The following KCNJ16 variants were observed in gnomAD, a reference collection of about 807,000 sequenced individuals.
KCNJ16 encodes inward rectifier potassium channel 16.
Under a neutral mutation model 18.5 loss-of-function variants are expected in KCNJ16, and 15 were observed. The observed-to-expected ratio is 0.81, with a 90% CI of 0.54 to 1.25. KCNJ16 has a LOEUF of 1.25. KCNJ16 is among the 50% of genes most tolerant of loss of function. The pLI is 0.00. For synonymous variants in KCNJ16, 174 were observed against 186.5 expected, an observed-to-expected ratio of 0.93 and a Z score of 0.55; for missense variants, 523 against 525.7, an observed-to-expected ratio of 0.99 and a Z score of 0.05.
intron 1 of KCNJ16, among the ~76,000 whole-genome samples, chr17:70,084,987 AT>A (rs1417898919): frequency 6.6e-6 from 1 of 152,104 alleles, no homozygotes; most frequent in Non-Finnish European, 1.5e-5. Context: ...GCCTCAGTTT[AT>A]CTTCCTTCAA....
rs1006096304 is a variant in KCNJ16 at position 70,134,212 on chromosome 17, C to T, written c.*868C>T. On this transcript the variant is annotated 3_prime_UTR_variant, in exon 4 of 4. Coordinates refer to ENST00000392671, the MANE Select transcript of KCNJ16 (RefSeq NM_170741.4). ...TGAGGGGATGGTTAGCAGCGATAAA[C>T]ATTCTCAGACCCTTGGAGAGAAACC... The T allele has an allele frequency of 2.4e-5, 4 of 165,548 alleles. No homozygotes were observed. The highest frequency in any genetic ancestry group is 4.4e-5 in the Non-Finnish European group (3 of 67,984). The allele number at this position is 165,548 out of a possible 1,614,324, so 10.3% of individuals were successfully genotyped here. A position where few individuals can be genotyped will look rare whatever the true frequency, so the allele number is the denominator to read the frequency against.
intron 2 of KCNJ16, among the ~76,000 whole-genome samples, chr17:70,110,485 C>CAT (rs965130046): frequency 5.3e-5 from 8 of 150,620 alleles, no homozygotes; most frequent in Non-Finnish European, 1.0e-4. Flanking sequence ...CGTGCGCGCA[C>CAT]ACACACACAC....
intron 1 of KCNJ16, among the ~76,000 whole-genome samples, chr17:70,095,872 T>C (rs10221272): frequency 0.66 from 11,723 of 17,698 alleles, 3,745 homozygotes; most frequent in East Asian, 0.89. Context: ...ACTTAATCCT[T>C]TTTTTTTTTT....
rs2074071692 is a variant in KCNJ16 at position 70,132,022 on chromosome 17, A to C, written c.-66A>C. On this transcript the variant is annotated 5_prime_UTR_variant, in exon 4 of 4. Coordinates refer to ENST00000392671, the MANE Select transcript of KCNJ16 (RefSeq NM_170741.4). The stretch of plus-strand genomic sequence containing the variant: ...TCTAACTGAAAACCCAAACCAAGAA[A>C]TAGCAACAAGTCTAGAATTCTTACT... 6.2e-7 allele frequency: 1 copy of C among 1,601,396 alleles called. No homozygotes were observed. Among genetic ancestry groups the C allele is most frequent in the Non-Finnish European group, 8.5e-7 (1 of 1,173,874 alleles).
Position 70,132,605 on chromosome 17 carries a change from C to A in KCNJ16, c.518C>A (p.Ala173Glu). The A allele has an allele frequency of 6.2e-7, 1 of 1,614,200 alleles. No individual in the cohort carries two copies. Among genetic ancestry groups the A allele is most frequent in the Non-Finnish European group, 8.5e-7 (1 of 1,180,026 alleles). ...ATTGGAGCTGCCTTGGCCAAAATGG[C>A]AACTGCTCGAAAGAGAGCCCAAACC... ...FIIGAALAKM[A>E]TARKRAQTIR... The change falls in exon 4 of 4, where the codon GCA becomes GAA. Residue 173 changes from alanine to glutamate, a missense_variant. Transcript: ENST00000392671.
chr17:70,112,375 T>A (rs981192320), intron 2 of KCNJ16, among the ~76,000 whole-genome samples: 2 of 151,870 alleles, frequency 1.3e-5, no homozygotes, highest in Admixed American at 1.3e-4. Flanking sequence ...TTTTTTTTTT[T>A]AATGAGGGCA....
At position 70,132,460 on chromosome 17, in the gene KCNJ16, TCCCTAGAGACC is replaced by T. The variant is rs775266473; in HGVS notation, c.375_385del (p.Leu126AsnfsTer12). ...TTCTTTCACAGGGGCCTTTTTGTTCTCCCTAGAGACCCAAACCACCATAGGATATGGTTATC... is the reference window on the plus strand; with the variant it reads ...TTCTTTCACAGGGGCCTTTTTGTTCTCAAACCACCATAGGATATGGTTATC... On this transcript the variant is annotated frameshift_variant, in exon 4 of 4. Coordinates refer to ENST00000392671, the MANE Select transcript of KCNJ16 (RefSeq NM_170741.4). LOFTEE classifies it high-confidence loss of function. The T allele has an allele frequency of 6.2e-7, 1 of 1,614,136 alleles. No individual in the cohort carries two copies. The highest frequency in any genetic ancestry group is 2.2e-5 in the East Asian group (1 of 44,868).
rs1268131993 is a variant in KCNJ16 at position 70,100,717 on chromosome 17, C to T, written c.-240C>T. Reference sequence around the variant, plus strand: ...GAGACACAGGATTCTAACTGGCAGACTGGCACTTTATCTCAATTCTTAACT... The same window carrying T: ...GAGACACAGGATTCTAACTGGCAGATTGGCACTTTATCTCAATTCTTAACT... On this transcript the variant is annotated 5_prime_UTR_variant, in exon 2 of 4. Transcript: ENST00000392671. 6.6e-6 allele frequency: 1 copy of T among 152,210 alleles called. No individual in the cohort carries two copies. Among genetic ancestry groups the T allele is most frequent in the Non-Finnish European group, 1.5e-5 (1 of 68,032 alleles). The allele number at this position is 152,210 out of a possible 1,614,324, so 9.4% of individuals were successfully genotyped here.
intron 1 of KCNJ16, among the ~76,000 whole-genome samples, chr17:70,083,933 TG>T (rs1007629303): frequency 2.6e-4 from 40 of 152,148 alleles, no homozygotes; most frequent in African/African-American, 9.6e-4. Flanking sequence ...AAGCCCATGT[TG>T]GTGTCCCATG....
intron 1 of KCNJ16, among the ~76,000 whole-genome samples, chr17:70,081,819 T>TGTGTGA: frequency 6.6e-6 from 1 of 151,978 alleles, no homozygotes; most frequent in Non-Finnish European, 1.5e-5. Context: ...TGTGTGTGTG[T>TGTGTGA]GTGTGTGTGT....
chr17:70,117,181 C>G (rs2073443694), intron 2 of KCNJ16, among the ~76,000 whole-genome samples: 1 of 152,104 alleles, frequency 6.6e-6, no homozygotes, highest in Non-Finnish European at 1.5e-5. Flanking sequence ...GGCCATTATC[C>G]TAAGTGAATT....
intron 1 of KCNJ16, among the ~76,000 whole-genome samples, chr17:70,093,214 C>A (rs577571622): frequency 6.6e-6 from 1 of 152,292 alleles, no homozygotes; most frequent in South Asian, 2.1e-4. Context: ...CAAAGCATTG[C>A]AAACTGGGTG....
At chr17:70,096,903 ATGATACTT>A (rs987433839) in intron 1 of KCNJ16, 2 of 397,826 alleles carry the variant, frequency 5.0e-6, no homozygotes, top group African/African-American at 4.1e-5. Context: ...CATTTAAAAT[ATGATACTT>A]CAGAAGTGCA....
At chr17:70,103,296 G>GTGTGTGTGTGTGTGTGTGTATA (rs1408960241) in intron 2 of KCNJ16, among the ~76,000 whole-genome samples, 2 of 72,048 alleles carry the variant, frequency 2.8e-5, no homozygotes, top group Non-Finnish European at 6.2e-5. Context: ...ATGTGTGTGT[G>GTGTGTGTGTGTGTGTGTGTATA]TATATATATA....
At position 70,133,583 on chromosome 17, in the gene KCNJ16, T is replaced by G; in HGVS notation, c.*239T>G. ...GCTATTAAGCCTAATTGATTAAAATTTATCTTTTTTATTATCTTACATGCT... is the reference window on the plus strand; with the variant it reads ...GCTATTAAGCCTAATTGATTAAAATGTATCTTTTTTATTATCTTACATGCT... On this transcript the variant is annotated 3_prime_UTR_variant, in exon 4 of 4. Transcript: ENST00000392671. 7.7e-6 allele frequency: 3 copies of G among 387,220 alleles called. No individual in the cohort carries two copies. The highest frequency in any genetic ancestry group is 4.8e-6 in the Non-Finnish European group (1 of 208,188). The allele number at this position is 387,220 out of a possible 1,614,324, so 24.0% of individuals were successfully genotyped here.
At chr17:70,081,591 G>A (rs894221972) in intron 1 of KCNJ16, among the ~76,000 whole-genome samples, 5 of 152,078 alleles carry the variant, frequency 3.3e-5, no homozygotes, top group African/African-American at 7.2e-5. Context: ...AATATTGTTC[G>A]TGTGTCTCTG....
chr17:70,117,216 C>T (rs2073444850), intron 2 of KCNJ16, among the ~76,000 whole-genome samples: 2 of 152,192 alleles, frequency 1.3e-5, no homozygotes, highest in South Asian at 2.1e-4. Context: ...AAACCAAATA[C>T]TGCATGTTCT....
Position 70,132,551 on chromosome 17 carries a change from T to G in KCNJ16, c.464T>G (p.Ile155Ser). The G allele has an allele frequency of 6.2e-7, 1 of 1,614,198 alleles. No homozygotes were observed. ...VAVLMVILQSILSCIINTFII... is the reference protein window; with the variant it reads ...VAVLMVILQSSLSCIINTFII... ...GTGCTCATGGTGATCCTCCAGTCCA[T>G]CTTAAGTTGCATCATAAATACCTTT... Residue 155 changes from isoleucine (I) to serine (S), a missense_variant, in exon 4 of 4, where the codon ATC becomes AGC. By Grantham distance (142) the Ile-to-Ser change is moderately radical. Coordinates refer to ENST00000392671, the MANE Select transcript of KCNJ16 (RefSeq NM_170741.4).
At chr17:70,107,364 TCAA>T (rs2072979208) in intron 2 of KCNJ16, among the ~76,000 whole-genome samples, 1 of 152,164 alleles carries the variant, frequency 6.6e-6, no homozygotes, top group Non-Finnish European at 1.5e-5. Context: ...TGGGTCACCT[TCAA>T]GATGCAACAC....
Sources: gnomAD v4.1 joint callset for allele counts (sites outside exome capture counted in the v4.1 genomes callset) on GRCh38, gnomAD v4.1.1 for gene constraint, MANE v1.5 for transcripts, NCBI Gene and HGNC (gene_info 2026-07-23, HGNC 2026-07-21) for gene names.